Variants in PTPRM observed in about 807,000 individuals in gnomAD.
PTPRM encodes the protein receptor-type tyrosine-protein phosphatase mu.
A neutral mutation model predicts 186.7 loss-of-function variants in PTPRM; 47 were observed. The observed-to-expected ratio is 0.25, with a 90% CI of 0.20 to 0.32. The LOEUF (loss-of-function observed/expected upper bound fraction) is 0.32. PTPRM is among the 10% of genes least tolerant of loss of function. The pLI, the probability that PTPRM is intolerant of heterozygous loss-of-function variation, is 1.00. For synonymous variants in PTPRM, 668 were observed against 674.9 expected, an observed-to-expected ratio of 0.99 and a Z score of 0.16; for missense variants, 1,494 against 1,865.0, an observed-to-expected ratio of 0.80 and a Z score of 3.66.
At chr18:7,787,454 G>A (rs931585693) in intron 2 of PTPRM, among the ~76,000 whole-genome samples, 1 of 152,198 alleles carries the variant, frequency 6.6e-6, no homozygotes, top group African/African-American at 2.4e-5. Flanking sequence ...ACATGCTTTG[G>A]CTGGTGAGTG....
intron 7 of PTPRM, among the ~76,000 whole-genome samples, chr18:8,043,732 A>G (rs1392287929): frequency 6.6e-6 from 1 of 152,142 alleles, no homozygotes; most frequent in Non-Finnish European, 1.5e-5. Context: ...TAATTATTGA[A>G]GTGGGGAAAA....
chr18:7,860,076 T>TTA (rs1190774676), intron 2 of PTPRM, among the ~76,000 whole-genome samples: 87 of 150,284 alleles, frequency 5.8e-4, no homozygotes, highest in African/African-American at 1.9e-3. Context: ...ATGTTTTTAT[T>TTA]TTATTTTTTT....
intron 1 of PTPRM, among the ~76,000 whole-genome samples, chr18:7,771,769 T>C (rs371821252): frequency 3.9e-5 from 6 of 152,208 alleles, no homozygotes; most frequent in East Asian, 3.8e-4. Context: ...GAGGCAGATG[T>C]AGAAAGCATG....
intron 5 of PTPRM, among the ~76,000 whole-genome samples, chr18:7,935,156 T>C (rs998222458): frequency 2.6e-5 from 4 of 152,196 alleles, no homozygotes; most frequent in African/African-American, 9.6e-5. Context: ...GGGTATTTTA[T>C]GCCATATATA....
intron 1 of PTPRM, among the ~76,000 whole-genome samples, chr18:7,724,613 G>T (rs2040509841): frequency 6.6e-6 from 1 of 152,116 alleles, no homozygotes; most frequent in Non-Finnish European, 1.5e-5. Context: ...TGTTATTATT[G>T]TTTTAACCCC....
chr18:7,663,983 C>A (rs141620456), intron 1 of PTPRM, among the ~76,000 whole-genome samples: 1,743 of 152,312 alleles, frequency 0.011, 35 homozygotes, highest in African/African-American at 0.04. Flanking sequence ...CCCGCCACCT[C>A]AACCCACAGT....
intron 1 of PTPRM, among the ~76,000 whole-genome samples, chr18:7,573,755 A>G (rs993630001): frequency 6.6e-6 from 1 of 150,792 alleles, no homozygotes; most frequent in Admixed American, 6.6e-5. Flanking sequence ...ACGCCTGGCT[A>G]ATTTTTGTAT....
At chr18:7,650,978 C>T (rs1163963660) in intron 1 of PTPRM, among the ~76,000 whole-genome samples, 1 of 147,714 alleles carries the variant, frequency 6.8e-6, no homozygotes, top group Admixed American at 6.8e-5. Context: ...GTTGCCCAGG[C>T]TGGAGTGCAG....
At chr18:7,845,691 C>T (rs941558646) in intron 2 of PTPRM, among the ~76,000 whole-genome samples, 2 of 152,040 alleles carry the variant, frequency 1.3e-5, no homozygotes, top group Non-Finnish European at 2.9e-5. Context: ...TTTTGCCCTT[C>T]GTATTTCAAT....
At chr18:7,824,854 G>T (rs2045399924) in intron 2 of PTPRM, among the ~76,000 whole-genome samples, 1 of 152,172 alleles carries the variant, frequency 6.6e-6, no homozygotes, top group African/African-American at 2.4e-5. Context: ...CCCCAGGGAG[G>T]CTCTCTGGGC....
intron 29 of PTPRM, among the ~76,000 whole-genome samples, chr18:8,383,453 A>C (rs879892616): frequency 5.9e-5 from 9 of 152,042 alleles, no homozygotes; most frequent in East Asian, 5.8e-4. Flanking sequence ...AAAAAATCTT[A>C]GCAGTTCTTC....
At chr18:8,339,321 T>C (rs1256438661) in intron 22 of PTPRM, among the ~76,000 whole-genome samples, 1 of 152,094 alleles carries the variant, frequency 6.6e-6, no homozygotes, top group African/African-American at 2.4e-5. Context: ...TGGCCTGATA[T>C]TATAGAAATT....
At chr18:8,120,473 T>A (rs1382037993) in intron 13 of PTPRM, among the ~76,000 whole-genome samples, 2 of 150,976 alleles carry the variant, frequency 1.3e-5, no homozygotes, top group Non-Finnish European at 2.9e-5. Flanking sequence ...TTTCTCTTTT[T>A]CTTTTTCTTT....
chr18:7,863,057 T>C lies in PTPRM; in HGVS notation c.197-25049T>C, dbSNP rs113200382. Among the ~76,000 whole-genome samples, 475 of 152,348 alleles carry C rather than the reference T, an allele frequency of 3.1e-3. 6 individuals carry two copies. In the East Asian group the frequency reaches 0.052, roughly 17 times the overall value. ...GAAAAGCTGGGAATAAGATTCGTTC[T>C]CACAATTTCACCATCAGTTTGCTAA... On this transcript the variant is annotated intron_variant, in intron 2 of 32. Coordinates refer to ENST00000580170, the MANE Select transcript of PTPRM (RefSeq NM_001105244.2).
At chr18:7,942,650 G>T (rs145035929) in intron 5 of PTPRM, among the ~76,000 whole-genome samples, 49 of 151,766 alleles carry the variant, frequency 3.2e-4, no homozygotes, top group African/African-American at 1.2e-3. Context: ...TGGTGGGGGG[G>T]CGGGGAGGGA....
chr18:8,322,753 C>G (rs1181719599), intron 22 of PTPRM, among the ~76,000 whole-genome samples: 1 of 152,144 alleles, frequency 6.6e-6, no homozygotes, highest in Non-Finnish European at 1.5e-5. Flanking sequence ...TAAGAACCGA[C>G]TGGATAGAAC....
At chr18:7,652,823 C>T (rs924786429) in intron 1 of PTPRM, among the ~76,000 whole-genome samples, 7 of 151,276 alleles carry the variant, frequency 4.6e-5, no homozygotes, top group Non-Finnish European at 7.4e-5. Context: ...TTAATGGGTG[C>T]GGCACACCAG....
At chr18:8,229,616 TTTAA>T (rs1469624442) in intron 14 of PTPRM, among the ~76,000 whole-genome samples, 3 of 152,200 alleles carry the variant, frequency 2.0e-5, no homozygotes, top group Admixed American at 6.5e-5. Flanking sequence ...TTTATTGTAA[TTTAA>T]TTATCATCTC....
intron 22 of PTPRM, among the ~76,000 whole-genome samples, chr18:8,320,391 G>T (rs1040496020): frequency 2.0e-5 from 3 of 152,162 alleles, no homozygotes; most frequent in Non-Finnish European, 4.4e-5. Context: ...AGAGGCAGTT[G>T]TAGCCAGAGA....
Sources: allele counts gnomAD v4.1 joint callset (sites outside exome capture counted in the v4.1 genomes callset), GRCh38; gene constraint gnomAD v4.1.1; transcripts MANE v1.5; gene names NCBI Gene and HGNC (gene_info 2026-07-23, HGNC 2026-07-21).